Variants in MAP3K13 observed in about 807,000 individuals in gnomAD.
MAP3K13 encodes the protein leucine zipper-bearing kinase.
A neutral mutation model predicts 104.0 loss-of-function variants in MAP3K13; 52 were observed. The ratio of observed to expected loss-of-function variants is 0.50; its 90% confidence interval spans 0.40 to 0.63. The LOEUF is 0.63. MAP3K13 is among the 20% of genes least tolerant of loss of function. The pLI, the probability that MAP3K13 is intolerant of heterozygous loss-of-function variation, is 0.00. For synonymous variants in MAP3K13, 394 were observed against 442.2 expected, an observed-to-expected ratio of 0.89 and a Z score of 1.37; for missense variants, 914 against 1,218.5, an observed-to-expected ratio of 0.75 and a Z score of 3.72.
At chr3:185,386,298 C>G (rs1297448303) in intron 1 of MAP3K13, among the ~76,000 whole-genome samples, 1 of 152,106 alleles carries the variant, frequency 6.6e-6, no homozygotes, top group East Asian at 1.9e-4. Context: ...ATGTGGCCAA[C>G]AAACATATCA....
At chr3:185,477,757 A>G (rs1372708588) in intron 12 of MAP3K13, among the ~76,000 whole-genome samples, 1 of 152,102 alleles carries the variant, frequency 6.6e-6, no homozygotes, top group East Asian at 1.9e-4. Flanking sequence ...TCTGTAACAA[A>G]CTGGATGCTT....
At chr3:185,312,485 T>G (rs1485702937) in intron 2 of MAP3K13, among the ~76,000 whole-genome samples, 3 of 152,200 alleles carry the variant, frequency 2.0e-5, no homozygotes, top group Non-Finnish European at 4.4e-5. Context: ...GCAGGAAGGA[T>G]TCATATTATC....
chr3:185,418,428 T>A lies in MAP3K13; in HGVS notation c.-85-10069T>A, dbSNP rs1713923148. 1 of 1,609,046 alleles carries A rather than the reference T, an allele frequency of 6.2e-7. No individual in the cohort carries two copies. Among genetic ancestry groups the A allele is most frequent in the African/African-American group, 1.3e-5 (1 of 74,786 alleles). On this transcript the variant is annotated intron_variant, in intron 1 of 13. Transcript: ENST00000265026. This position sits in a 1 kb window ranked among gnomAD's most constrained non-coding sequence, Gnocchi z 4.5. ...AACAGATGGCATATCGTTTTTGGGTTGTGTTCACTCTACGATGCCAACGGC... is the reference window on the plus strand; with the variant it reads ...AACAGATGGCATATCGTTTTTGGGTAGTGTTCACTCTACGATGCCAACGGC...
chr3:185,297,448 T>A lies in MAP3K13; in HGVS notation c.-86+11805T>A, dbSNP rs570613694. Among the ~76,000 whole-genome samples the A allele has an allele frequency of 2.6e-5, 4 of 151,978 alleles. No individual in the cohort carries two copies. In the South Asian group the frequency reaches 8.3e-4, roughly 32 times the overall value. On this transcript the variant is annotated intron_variant, in intron 2 of 14. Coordinates refer to the MAP3K13 transcript ENST00000424227. Reference sequence around the variant, plus strand: ...AGATAATTGGCAACTTAGAAATAGGTTATTGGCTGGGCGCAGTGACTCACA... The same window carrying A: ...AGATAATTGGCAACTTAGAAATAGGATATTGGCTGGGCGCAGTGACTCACA...
At chr3:185,347,789 A>T (rs1163972164) in intron 2 of MAP3K13, among the ~76,000 whole-genome samples, 2 of 152,056 alleles carry the variant, frequency 1.3e-5, no homozygotes, top group Non-Finnish European at 2.9e-5. Context: ...CGGGTGGATC[A>T]CCTGAGGTCA....
In MAP3K13 at chr3:185,423,347, C is replaced by G. The variant is rs12490248; in HGVS notation, c.-85-5150C>G. Among the ~76,000 whole-genome samples, 8,179 of 152,158 alleles carry G rather than the reference C, an allele frequency of 0.054. 282 individuals are homozygous for G. Among genetic ancestry groups the G allele is most frequent in the Non-Finnish European group, 0.074 (4,999 of 68,000 alleles). ...AAGAGTCCTGGCAGCCAAGGCAGAC[C>G]GGAAGTAACTGCTGAGTCACTGGCT... On this transcript the variant is annotated intron_variant, in intron 1 of 13. Transcript: ENST00000265026. The surrounding 1 kb of genome is among the most constrained non-coding windows in gnomAD (Gnocchi z 4.1).
intron 3 of MAP3K13, among the ~76,000 whole-genome samples, chr3:185,441,823 C>T (rs1013691221): frequency 2.6e-5 from 4 of 152,096 alleles, no homozygotes; most frequent in African/African-American, 9.7e-5. Flanking sequence ...AGGCAGATCA[C>T]CTGAGGTCAG....
chr3:185,392,743 G>A (rs571792839), intron 1 of MAP3K13, among the ~76,000 whole-genome samples: 1 of 152,196 alleles, frequency 6.6e-6, no homozygotes, highest in African/African-American at 2.4e-5. Flanking sequence ...GGTACAATTA[G>A]TGAGAATTAA....
intron 1 of MAP3K13, among the ~76,000 whole-genome samples, chr3:185,379,738 T>A (rs1469669007): frequency 2.0e-5 from 3 of 152,208 alleles, no homozygotes; most frequent in Non-Finnish European, 2.9e-5. Context: ...ATACATTCAT[T>A]ATTTTTTTCC....
chr3:185,444,036 TA>T (rs1715465115), intron 4 of MAP3K13, among the ~76,000 whole-genome samples: 1 of 152,174 alleles, frequency 6.6e-6, no homozygotes, highest in Non-Finnish European at 1.5e-5. Context: ...ATAAAATGGA[TA>T]AATAAGAAAC....
At position 185,308,002 on chromosome 3, in the gene MAP3K13, T is replaced by C. The variant is rs889746078; in HGVS notation, c.-86+22359T>C. On this transcript the variant is annotated intron_variant, in intron 2 of 14. Coordinates refer to the MAP3K13 transcript ENST00000424227. ...TGGTGATTCATAGACTTTCATTTCT[T>C]TGGGGTCTTTTTTTTTTTTTTTTTT... Among the ~76,000 whole-genome samples, 16 of 137,028 alleles carry C rather than the reference T, an allele frequency of 1.2e-4. No homozygotes were observed. In the Admixed American group the frequency reaches 1.2e-3, roughly 11 times the overall value. The allele number at this position is 137,028 out of a possible 152,430, so 89.9% of individuals were successfully genotyped here. A position where few individuals can be genotyped will look rare whatever the true frequency, so the allele number is the denominator to read the frequency against.
At chr3:185,455,290 T>C (rs1577586875) in intron 7 of MAP3K13, among the ~76,000 whole-genome samples, 1 of 128,496 alleles carries the variant, frequency 7.8e-6, no homozygotes, top group African/African-American at 2.8e-5. Flanking sequence ...ATATGAGATA[T>C]ATATATGAGA....
At chr3:185,342,965 C>T (rs562594771) in intron 2 of MAP3K13, among the ~76,000 whole-genome samples, 4 of 152,194 alleles carry the variant, frequency 2.6e-5, no homozygotes, top group African/African-American at 4.8e-5. Flanking sequence ...GTTGTAGTAC[C>T]GAGAACTACA....
chr3:185,322,723 G>T (rs1405727792), intron 2 of MAP3K13, among the ~76,000 whole-genome samples: 1 of 152,098 alleles, frequency 6.6e-6, no homozygotes, highest in Non-Finnish European at 1.5e-5. Flanking sequence ...TGCACAGTAG[G>T]TACCAACAAA....
intron 7 of MAP3K13, 184 bp downstream of exon 7, chr3:185,451,579 T>C (rs1715886181): frequency 2.1e-6 from 1 of 475,560 alleles, no homozygotes; most frequent in African/African-American, 2.0e-5. Context: ...CACTTAACAT[T>C]ATTATTAACT....
intron 3 of MAP3K13, among the ~76,000 whole-genome samples, chr3:185,438,989 T>C (rs894495038): frequency 6.6e-6 from 1 of 152,196 alleles, no homozygotes; most frequent in East Asian, 1.9e-4. Context: ...TCAGAATGGA[T>C]CCTTCCTTGA....
At chr3:185,431,412 A>G (rs1032169504) in intron 2 of MAP3K13, among the ~76,000 whole-genome samples, 2 of 152,228 alleles carry the variant, frequency 1.3e-5, no homozygotes, top group African/African-American at 2.4e-5. Flanking sequence ...CCATACTGCA[A>G]TGACCATTTG....
chr3:185,382,409 C>CTT (rs1404098367), intron 1 of MAP3K13, among the ~76,000 whole-genome samples: 1 of 152,060 alleles, frequency 6.6e-6, no homozygotes, highest in Non-Finnish European at 1.5e-5. Flanking sequence ...TAAGTTAAGA[C>CTT]TACTGTATAT....
chr3:185,449,893 A>T lies in MAP3K13; in HGVS notation c.1011-7A>T. 6.2e-7 allele frequency: 1 copy of T among 1,601,514 alleles called. No individual in the cohort carries two copies. The highest frequency in any genetic ancestry group is 2.3e-5 in the East Asian group (1 of 44,382). ...ATCTTCTGTCCATGTTCCCGGCGCT[A>T]CTGTAGGTCTTTTGGAGTGGTGCTT... is the stretch of plus-strand genomic sequence containing the variant. On this transcript the variant is annotated splice_polypyrimidine_tract_variant and splice_region_variant and intron_variant, in intron 5 of 13. Transcript: ENST00000265026.
Sources: gnomAD v4.1 joint callset for allele counts (sites outside exome capture counted in the v4.1 genomes callset) on GRCh38, gnomAD v4.1.1 for gene constraint, Gnocchi (gnomAD v3.1) non-coding constraint, MANE v1.5 for transcripts, NCBI Gene and HGNC (gene_info 2026-07-23, HGNC 2026-07-21) for gene names.